Variants in HNMT observed in about 807,000 individuals in gnomAD.
HNMT encodes histamine N-methyltransferase.
HNMT carries 30 observed loss-of-function variants against 32.1 expected under a neutral mutation model. The observed-to-expected ratio is 0.93, with a 90% CI of 0.70 to 1.27. HNMT has a LOEUF of 1.27. HNMT is among the 50% of genes most tolerant of loss of function. The pLI is 0.00. For missense variants in HNMT, 327 were observed against 346.0 expected (o/e 0.95, Z 0.43); for synonymous variants, 125 against 119.0 (o/e 1.05, Z -0.33).
At chr2:137,974,023 T>C (rs774521763) in intron 2 of HNMT, among the ~76,000 whole-genome samples, 10 of 152,114 alleles carry the variant, frequency 6.6e-5, no homozygotes, top group Non-Finnish European at 1.3e-4. Context: ...ACCATATCAA[T>C]AAATTATAAC....
chr2:137,971,475 C>A (rs1012502077), intron 2 of HNMT, among the ~76,000 whole-genome samples: 22 of 152,112 alleles, frequency 1.4e-4, no homozygotes, highest in African/African-American at 5.3e-4. Flanking sequence ...ACATGCCCAG[C>A]CCTAAGCATA....
intron 2 of HNMT, among the ~76,000 whole-genome samples, chr2:137,997,646 C>T (rs915349691): frequency 5.3e-5 from 8 of 152,120 alleles, no homozygotes; most frequent in Non-Finnish European, 8.8e-5. Context: ...CCAGAAATAC[C>T]ATTTGACCCA....
At position 138,015,737 on chromosome 2, in the gene HNMT, C is replaced by T; in HGVS notation, c.*1607C>T. ...ATTGATGGGTATGGGGCCATGAAGACCTTGAAGAGCTTCACCAGAAGTATG... is the reference window on the plus strand; with the variant it reads ...ATTGATGGGTATGGGGCCATGAAGATCTTGAAGAGCTTCACCAGAAGTATG... On this transcript the variant is annotated 3_prime_UTR_variant, in exon 6 of 6. Coordinates refer to ENST00000280097, the MANE Select transcript of HNMT (RefSeq NM_006895.3). The T allele has an allele frequency of 6.6e-6, 1 of 152,082 alleles. No individual in the cohort carries two copies. The highest frequency in any genetic ancestry group is 1.9e-4 in the East Asian group (1 of 5,188). The allele number at this position is 152,082 out of a possible 1,614,324, so 9.4% of individuals were successfully genotyped here. A position where few individuals can be genotyped will look rare whatever the true frequency, so the allele number is the denominator to read the frequency against.
At position 138,015,150 on chromosome 2, in the gene HNMT, CT is replaced by C. The variant is rs1293979743; in HGVS notation, c.*1021del. ...TATAAGACCAAGAGTCATCTTTGGA[CT>C]GTAGGATTTCAGGGGGGTTTTGAAA... On this transcript the variant is annotated 3_prime_UTR_variant, in exon 6 of 6. Transcript: ENST00000280097. 6.6e-6 allele frequency: 1 copy of C among 151,958 alleles called. No homozygotes were observed. Among genetic ancestry groups the C allele is most frequent in the Non-Finnish European group, 1.5e-5 (1 of 67,986 alleles). 9.4% of individuals were successfully genotyped at this position (151,958 alleles called of 1,614,324 possible). A position where few individuals can be genotyped will look rare whatever the true frequency, so the allele number is the denominator to read the frequency against.
chr2:137,980,941 T>C (rs530155488), intron 2 of HNMT, among the ~76,000 whole-genome samples: 9 of 152,126 alleles, frequency 5.9e-5, no homozygotes, highest in Non-Finnish European at 1.2e-4. Flanking sequence ...CAGATTGTTC[T>C]TTCTCTGGCT....
chr2:137,996,125 C>T (rs1019442275), intron 2 of HNMT, among the ~76,000 whole-genome samples: 2 of 152,176 alleles, frequency 1.3e-5, no homozygotes, highest in African/African-American at 4.8e-5. Context: ...CAAGGATGTC[C>T]TCTCTCACCA....
chr2:137,972,775 AG>A, intron 2 of HNMT, among the ~76,000 whole-genome samples: 2 of 152,214 alleles, frequency 1.3e-5, no homozygotes, highest in Non-Finnish European at 2.9e-5. Flanking sequence ...TGCTTGGACA[AG>A]AAGAGAAGGC....
In HNMT at chr2:138,014,356, CAACAT is replaced by C; in HGVS notation, c.*234_*238del. The C allele has an allele frequency of 4.9e-6, 2 of 411,758 alleles. No homozygotes were observed. The highest frequency in any genetic ancestry group is 4.3e-6 in the Non-Finnish European group (1 of 231,564). 25.5% of individuals were successfully genotyped at this position (411,758 alleles called of 1,614,324 possible). On this transcript the variant is annotated 3_prime_UTR_variant, in exon 6 of 6. Transcript: ENST00000280097. ...CAGGTAGAGAGACCACAAGCAGGCT[CAACAT>C]AACATAAGCTAGAAAAATTAGATGA...
intron 2 of HNMT, among the ~76,000 whole-genome samples, chr2:137,990,584 T>C (rs946860597): frequency 1.3e-5 from 2 of 152,168 alleles, no homozygotes; most frequent in South Asian, 4.1e-4. Context: ...AATTATTTTT[T>C]AAAAATACAT....
intron 2 of HNMT, among the ~76,000 whole-genome samples, chr2:137,999,360 C>G (rs1173258770): frequency 6.6e-6 from 1 of 152,130 alleles, no homozygotes; most frequent in Admixed American, 6.6e-5. Context: ...AAAATTGTCA[C>G]ATAAGTGACT....
In HNMT at chr2:138,015,976, C is replaced by T. The variant is rs1015999759; in HGVS notation, c.*1846C>T. ...TTTTAGTGCAATTGAAACACATAAGCCTTTTTAAAGAGAGAAATTCCCATG... is the reference window on the plus strand; with the variant it reads ...TTTTAGTGCAATTGAAACACATAAGTCTTTTTAAAGAGAGAAATTCCCATG... On this transcript the variant is annotated 3_prime_UTR_variant, in exon 6 of 6. Transcript: ENST00000280097. 15 of 152,108 alleles carry T rather than the reference C, an allele frequency of 9.9e-5. No individual in the cohort carries two copies. Among genetic ancestry groups the T allele is most frequent in the African/African-American group, 3.6e-4 (15 of 41,530 alleles). 9.4% of individuals were successfully genotyped at this position (152,108 alleles called of 1,614,324 possible). A position where few individuals can be genotyped will look rare whatever the true frequency, so the allele number is the denominator to read the frequency against.
chr2:137,985,202 T>TA (rs5834597), intron 2 of HNMT, among the ~76,000 whole-genome samples: 180 of 135,414 alleles, frequency 1.3e-3, no homozygotes, highest in East Asian at 4.9e-3. Flanking sequence ...GAACCGAAAC[T>TA]AAAAAAAAAA....
chr2:137,993,868 A>G (rs1247243581), intron 2 of HNMT, among the ~76,000 whole-genome samples: 1 of 152,196 alleles, frequency 6.6e-6, no homozygotes, highest in Non-Finnish European at 1.5e-5. Flanking sequence ...CCAATATTCA[A>G]CATTCTTAAA....
At position 137,967,116 on chromosome 2, in the gene HNMT, C is replaced by A. The variant is rs376924701; in HGVS notation, c.137+2488C>A. 6 of 780,232 alleles carry A rather than the reference C, an allele frequency of 7.7e-6. No individual in the cohort carries two copies. The Admixed American group carries it at 1.0e-4, about 13-fold the overall frequency. The allele number at this position is 780,232 out of a possible 1,614,324, so 48.3% of individuals were successfully genotyped here. A position where few individuals can be genotyped will look rare whatever the true frequency, so the allele number is the denominator to read the frequency against. On this transcript the variant is annotated intron_variant, in intron 1 of 5. Coordinates refer to ENST00000280097, the MANE Select transcript of HNMT (RefSeq NM_006895.3). ...TTTTAGATACCAGAATTGCTGTTAA[C>A]AAATAAAATACTGGCCAGATGTGTT...
At chr2:137,991,048 A>G (rs938504463) in intron 2 of HNMT, among the ~76,000 whole-genome samples, 4 of 152,332 alleles carry the variant, frequency 2.6e-5, no homozygotes, top group Middle Eastern at 3.4e-3. Context: ...TTAATTTACT[A>G]AAGTGGTTCA....
chr2:137,985,583 C>T (rs1361498137), intron 2 of HNMT, among the ~76,000 whole-genome samples: 1 of 152,164 alleles, frequency 6.6e-6, no homozygotes, highest in African/African-American at 2.4e-5. Context: ...TCTGTCTATG[C>T]ATTCATGCAT....
At chr2:137,983,237 A>G (rs1430802696) in intron 2 of HNMT, among the ~76,000 whole-genome samples, 1 of 152,108 alleles carries the variant, frequency 6.6e-6, no homozygotes, top group East Asian at 1.9e-4. Context: ...TCCTCCACAA[A>G]GTATTTCCTG....
intron 4 of HNMT, chr2:138,002,899 T>C (rs1372215596): frequency 3.1e-6 from 1 of 327,624 alleles, no homozygotes. Context: ...GGTTAAATGA[T>C]GCCTCAGTTC....
chr2:137,975,251 A>G (rs1420235448), intron 2 of HNMT, among the ~76,000 whole-genome samples: 2 of 152,166 alleles, frequency 1.3e-5, no homozygotes, highest in African/African-American at 4.8e-5. Context: ...AGGCTTCAAT[A>G]TTTAAAGGGG....
Sources: gnomAD v4.1 joint callset for allele counts (sites outside exome capture counted in the v4.1 genomes callset) on GRCh38, gnomAD v4.1.1 for gene constraint, MANE v1.5 for transcripts, NCBI Gene and HGNC (gene_info 2026-07-23, HGNC 2026-07-21) for gene names.